ZNF26: variants seen among roughly 807,000 people sequenced by gnomAD.
ZNF26 encodes zinc finger protein 26.
Under a neutral mutation model 54.9 loss-of-function variants are expected in ZNF26, and 32 were observed. The ratio of observed to expected loss-of-function variants is 0.58; its 90% CI spans 0.44 to 0.78. The LOEUF (loss-of-function observed/expected upper bound fraction) is 0.78, where lower values mean the gene tolerates loss of function less well. Among genes scored for constraint, ZNF26 ranks in the 30% least tolerant of loss-of-function variants. The pLI, the probability that ZNF26 is intolerant of heterozygous loss-of-function variation, is 0.00. For missense variants in ZNF26, 524 were observed against 634.0 expected (o/e 0.83, Z 1.86); for synonymous variants, 221 against 209.2 (o/e 1.06, Z -0.49).
chr12:133,008,055 T>C (rs1953371929), intron 3 of ZNF26, among the ~76,000 whole-genome samples: 1 of 152,082 alleles, frequency 6.6e-6, no homozygotes, highest in African/African-American at 2.4e-5. Context: ...GGCTCTCCTC[T>C]CCGAATGTTG....
chr12:133,009,695 G>C (rs1482028243), intron 3 of ZNF26, among the ~76,000 whole-genome samples: 2 of 151,976 alleles, frequency 1.3e-5, no homozygotes, highest in Admixed American at 1.3e-4. Context: ...AGCTTTCCTG[G>C]CCTTTTTCTA....
chr12:133,008,285 T>A (rs1936247314), intron 3 of ZNF26, among the ~76,000 whole-genome samples: 1 of 152,148 alleles, frequency 6.6e-6, no homozygotes, highest in African/African-American at 2.4e-5. Flanking sequence ...GAGTCCTTCA[T>A]TTTCTTTCAC....
At chr12:132,996,139 C>T (rs1953076439) in intron 1 of ZNF26, among the ~76,000 whole-genome samples, 1 of 152,140 alleles carries the variant, frequency 6.6e-6, no homozygotes, top group South Asian at 2.1e-4. Flanking sequence ...TTCTGGAGCA[C>T]CTTGAGGCTG....
At position 133,019,122 on chromosome 12, in the gene ZNF26, A is replaced by G. The variant is rs1953605491; in HGVS notation, c.*7641A>G. On this transcript the variant is annotated 3_prime_UTR_variant, in exon 4 of 4. Coordinates refer to ENST00000328654, the MANE Select transcript of ZNF26 (RefSeq NM_019591.4). Reference sequence around the variant, plus strand: ...TAGAGTTTAAAACAAAAGTTTTACTAGAGATAAAGAAAAGTATTTTGTAAA... The same window carrying G: ...TAGAGTTTAAAACAAAAGTTTTACTGGAGATAAAGAAAAGTATTTTGTAAA... 6.6e-6 allele frequency: 1 copy of G among 152,168 alleles called. No individual in the cohort carries two copies. Among genetic ancestry groups the G allele is most frequent in the Middle Eastern group, 3.2e-3 (1 of 316 alleles). The allele number at this position is 152,168 out of a possible 1,614,324, so 9.4% of individuals were successfully genotyped here.
At chr12:132,997,494 G>A (rs1441822639) in intron 1 of ZNF26, among the ~76,000 whole-genome samples, 10 of 152,180 alleles carry the variant, frequency 6.6e-5, no homozygotes, top group South Asian at 4.1e-4. Context: ...CCACATGGTC[G>A]ATGAGCTTCC....
At chr12:132,992,413 T>C (rs1353809702) in intron 1 of ZNF26, among the ~76,000 whole-genome samples, 10 of 152,284 alleles carry the variant, frequency 6.6e-5, no homozygotes, top group African/African-American at 2.2e-4. Flanking sequence ...TTATCTTTGA[T>C]TTTTTGTGTT....
chr12:132,995,453 TTAAA>T (rs1357982875), intron 1 of ZNF26, among the ~76,000 whole-genome samples: 1 of 152,050 alleles, frequency 6.6e-6, no homozygotes, highest in Non-Finnish European at 1.5e-5. Flanking sequence ...TCTCTGTATT[TTAAA>T]TATTTACATA....
intron 1 of ZNF26, among the ~76,000 whole-genome samples, chr12:132,992,600 C>T (rs1952987486): frequency 6.6e-6 from 1 of 152,140 alleles, no homozygotes; most frequent in African/African-American, 2.4e-5. Context: ...ATAAACTCAT[C>T]ATAAATTGAA....
chr12:132,995,980 TC>T (rs1953073242), intron 1 of ZNF26, among the ~76,000 whole-genome samples: 1 of 152,328 alleles, frequency 6.6e-6, no homozygotes, highest in Non-Finnish European at 1.5e-5. Context: ...AGAGGATATT[TC>T]CCCTTTTCTC....
In ZNF26 at chr12:133,025,400, C is replaced by T. The variant is rs1953690687; in HGVS notation, c.*13919C>T. ...TGACGATGAGATCCTGGTCTTCAAT[C>T]TGATATTATAACGGGATGAGACATT... On this transcript the variant is annotated 3_prime_UTR_variant, in exon 4 of 4. Transcript: ENST00000328654. The T allele has an allele frequency of 1.3e-5, 2 of 152,076 alleles. No individual in the cohort carries two copies. Among genetic ancestry groups the T allele is most frequent in the Non-Finnish European group, 2.9e-5 (2 of 68,046 alleles). 9.4% of individuals were successfully genotyped at this position (152,076 alleles called of 1,614,324 possible).
rs1953440239 is a variant in ZNF26 at position 133,010,287 on chromosome 12, A to C, written c.408A>C (p.Thr136=). The C allele has an allele frequency of 3.7e-5, 59 of 1,613,966 alleles. No individual in the cohort carries two copies. The highest frequency in any genetic ancestry group is 5.9e-6 in the Non-Finnish European group (7 of 1,180,032). The change falls in exon 4 of 4, where the codon ACA becomes ACC. Residue 136 remains threonine, a synonymous_variant. Transcript: ENST00000328654. ...RLYNTRGKSL[T]QNSAPSRSYL... ...ATAACACACGTGGAAAAAGTTTGAC[A>C]CAAAACTCAGCTCCAAGCAGAAGTT...
At chr12:132,992,026 T>C (rs1354438019) in intron 1 of ZNF26, among the ~76,000 whole-genome samples, 1 of 151,924 alleles carries the variant, frequency 6.6e-6, no homozygotes, top group Admixed American at 6.6e-5. Flanking sequence ...TGCGTGCCTG[T>C]AGGCCTGGCT....
chr12:133,000,660 G>A (rs1327375916), intron 1 of ZNF26, among the ~76,000 whole-genome samples: 4 of 151,944 alleles, frequency 2.6e-5, no homozygotes, highest in Admixed American at 6.6e-5. Flanking sequence ...TCCTGACCTC[G>A]TGATCCGCCC....
rs1375921962 is a variant in ZNF26 at position 133,001,580 on chromosome 12, C to T, written c.34-5462C>T. 3 of 1,063,548 alleles carry T rather than the reference C, an allele frequency of 2.8e-6. No individual in the cohort carries two copies. In the African/African-American group the frequency reaches 4.9e-5, roughly 17 times the overall value. The allele number at this position is 1,063,548 out of a possible 1,614,324, so 65.9% of individuals were successfully genotyped here. On this transcript the variant is annotated intron_variant, in intron 1 of 3. Coordinates refer to ENST00000328654, the MANE Select transcript of ZNF26 (RefSeq NM_019591.4). The surrounding 1 kb of genome is among the most constrained non-coding windows in gnomAD (Gnocchi z 4.7). ...GATTCTTTCTCTCACTGCATGCAGA[C>T]TCACCCAGAAGTCCACTCACTGCCT...
rs1277159257 is a variant in ZNF26 at position 132,993,701 on chromosome 12, C to A, written c.33+6828C>A. ...GAATTCCTGACCTCAGGTGATCTAC[C>A]CCCCTCGGCCTCCCAGAGTGCTGGG... On this transcript the variant is annotated intron_variant, in intron 1 of 3. Coordinates refer to ENST00000328654, the MANE Select transcript of ZNF26 (RefSeq NM_019591.4). Among the ~76,000 whole-genome samples the A allele has an allele frequency of 9.2e-5, 14 of 152,194 alleles. No homozygotes were observed. In the East Asian group the frequency reaches 2.7e-3, roughly 29 times the overall value.
chr12:132,986,746 T>C lies in ZNF26; in HGVS notation c.-95T>C. ...GACGGTCAGGAGCCTGGGGCCCTGG[T>C]CCCGCACCTGTCTTCGGGCGGACGC... On this transcript the variant is annotated 5_prime_UTR_variant, in exon 1 of 4. Transcript: ENST00000328654. 7.1e-7 allele frequency: 1 copy of C among 1,403,444 alleles called. No individual in the cohort carries two copies. The highest frequency in any genetic ancestry group is 9.8e-7 in the Non-Finnish European group (1 of 1,023,444). The allele number at this position is 1,403,444 out of a possible 1,614,324, so 86.9% of individuals were successfully genotyped here.
chr12:132,990,845 T>C (rs1186310154), intron 1 of ZNF26, among the ~76,000 whole-genome samples: 18 of 152,142 alleles, frequency 1.2e-4, no homozygotes, highest in Non-Finnish European at 1.5e-5. Flanking sequence ...TAGTATGATG[T>C]TCCTTTATTG....
intron 1 of ZNF26, chr12:132,987,615 C>T: frequency 1.3e-6 from 1 of 750,924 alleles, no homozygotes; most frequent in Non-Finnish European, 1.6e-6. Flanking sequence ...GGAAGAGGGA[C>T]CCTGGGAATG....
chr12:132,992,039 T>G (rs1454297131), intron 1 of ZNF26, among the ~76,000 whole-genome samples: 1 of 151,798 alleles, frequency 6.6e-6, no homozygotes, highest in Non-Finnish European at 1.5e-5. Context: ...GCCTGGCTAC[T>G]TGGGAGGCTG....
Sources: allele counts gnomAD v4.1 joint callset (sites outside exome capture counted in the v4.1 genomes callset), GRCh38; gene constraint gnomAD v4.1.1; non-coding constraint Gnocchi (gnomAD v3.1); transcripts MANE v1.5; gene names NCBI Gene and HGNC (gene_info 2026-07-23, HGNC 2026-07-21).